The following PARD3 variants were observed in gnomAD, a reference collection of about 807,000 sequenced individuals.
PARD3 encodes the protein partitioning defective 3 homolog.
A neutral mutation model predicts 155.4 loss-of-function variants in PARD3; 75 were observed. That is an observed-to-expected ratio of 0.48 (90% CI 0.40 to 0.58). The LOEUF is 0.58. Ranked by LOEUF, PARD3 falls within the 20% of genes least tolerant of loss-of-function variation. The probability of loss-of-function intolerance (pLI) is 0.00; values close to 1 mark genes in which losing one functional copy is unlikely to be tolerated. For synonymous variants in PARD3, 576 were observed against 610.5 expected (o/e 0.94, Z 0.83); for missense variants, 1,642 against 1,721.7 (o/e 0.95, Z 0.82).
chr10:34,376,796 A>T (rs1841298329), intron 10 of PARD3, among the ~76,000 whole-genome samples: 1 of 152,186 alleles, frequency 6.6e-6, no homozygotes, highest in Non-Finnish European at 1.5e-5. Flanking sequence ...TGAAACTATA[A>T]GAAAAAAGGA....
chr10:34,562,559 C>A (rs1353522078), intron 2 of PARD3, among the ~76,000 whole-genome samples: 1 of 152,184 alleles, frequency 6.6e-6, no homozygotes, highest in East Asian at 1.9e-4. Flanking sequence ...GCTTTTCCAT[C>A]TTCCAAGCTT....
At chr10:34,165,577 T>C (rs534509100) in intron 22 of PARD3, among the ~76,000 whole-genome samples, 4 of 152,324 alleles carry the variant, frequency 2.6e-5, no homozygotes, top group African/African-American at 9.6e-5. Flanking sequence ...CACCCCTCTC[T>C]GCCTTCTCAA....
intron 1 of PARD3, among the ~76,000 whole-genome samples, chr10:34,763,921 C>A (rs1837770413): frequency 6.6e-6 from 1 of 152,202 alleles, no homozygotes. Flanking sequence ...TCCTCCCAGC[C>A]ATATACTAAT....
At chr10:34,344,721 C>T in intron 15 of PARD3, 19 of 985,350 alleles carry the variant, frequency 1.9e-5, no homozygotes, top group Non-Finnish European at 2.3e-5. Flanking sequence ...ATTACAAAAT[C>T]CATGATTGTG....
intron 12 of PARD3, among the ~76,000 whole-genome samples, chr10:34,367,846 T>A (rs1164853676): frequency 6.6e-6 from 1 of 152,264 alleles, no homozygotes; most frequent in African/African-American, 2.4e-5. Flanking sequence ...GAAGTTAGCC[T>A]ATCAAGATGG....
intron 22 of PARD3, among the ~76,000 whole-genome samples, chr10:34,266,137 T>C (rs1433476374): frequency 6.6e-6 from 1 of 152,146 alleles, no homozygotes; most frequent in Non-Finnish European, 1.5e-5. Flanking sequence ...ACAGAAGGAG[T>C]TTAGTCCTAT....
At chr10:34,810,926 A>G (rs1204400101) in intron 1 of PARD3, among the ~76,000 whole-genome samples, 4 of 152,102 alleles carry the variant, frequency 2.6e-5, no homozygotes, top group African/African-American at 9.7e-5. Context: ...ACCAAACCCA[A>G]TACAAAGCTC....
chr10:34,445,326 G>C (rs2132707674), intron 5 of PARD3, among the ~76,000 whole-genome samples: 1 of 152,254 alleles, frequency 6.6e-6, no homozygotes, highest in Non-Finnish European at 1.5e-5. Flanking sequence ...AAATTTGAGA[G>C]GGAGTTTTGT....
intron 2 of PARD3, among the ~76,000 whole-genome samples, chr10:34,688,043 C>A (rs536226469): frequency 1.3e-5 from 2 of 151,746 alleles, no homozygotes; most frequent in South Asian, 4.2e-4. Flanking sequence ...TTTGTAGAAA[C>A]AGTCTCGTTA....
At chr10:34,146,246 A>C (rs1948499121) in intron 22 of PARD3, among the ~76,000 whole-genome samples, 1 of 151,984 alleles carries the variant, frequency 6.6e-6, no homozygotes, top group Non-Finnish European at 1.5e-5. Context: ...AAATAGCTTA[A>C]ATGTCTTTTC....
chr10:34,354,746 G>C (rs1454015339), intron 14 of PARD3, among the ~76,000 whole-genome samples: 1 of 152,198 alleles, frequency 6.6e-6, no homozygotes, highest in Non-Finnish European at 1.5e-5. Context: ...GGCTAGAGCA[G>C]AGGTGCTGCA....
intron 1 of PARD3, among the ~76,000 whole-genome samples, chr10:34,760,426 G>T (rs1418635685): frequency 3.3e-5 from 5 of 152,092 alleles, no homozygotes; most frequent in Non-Finnish European, 7.4e-5. Flanking sequence ...CCACCTCCTG[G>T]GTTCAAGTGA....
intron 1 of PARD3, among the ~76,000 whole-genome samples, chr10:34,705,560 A>G (rs2094351122): frequency 6.6e-6 from 1 of 152,224 alleles, no homozygotes; most frequent in African/African-American, 2.4e-5. Flanking sequence ...TGTTACAGGA[A>G]CACTGCTAAA....
intron 1 of PARD3, among the ~76,000 whole-genome samples, chr10:34,726,881 C>T (rs1030700426): frequency 3.9e-5 from 6 of 152,152 alleles, no homozygotes; most frequent in African/African-American, 1.4e-4. Context: ...CTGAACTTCT[C>T]CTCTGACCAC....
chr10:34,169,925 G>A (rs1002063116), intron 22 of PARD3, among the ~76,000 whole-genome samples: 9 of 152,206 alleles, frequency 5.9e-5, no homozygotes, highest in African/African-American at 2.2e-4. Flanking sequence ...GCCCAGCAAA[G>A]AGGAGCCCAG....
At chr10:34,520,963 T>G (rs2082107486) in intron 2 of PARD3, among the ~76,000 whole-genome samples, 1 of 152,184 alleles carries the variant, frequency 6.6e-6, no homozygotes, top group African/African-American at 2.4e-5. Context: ...TAATATGCAT[T>G]TTGAAGATAT....
chr10:34,518,050 T>C (rs1457932706), intron 2 of PARD3, among the ~76,000 whole-genome samples: 1 of 152,096 alleles, frequency 6.6e-6, no homozygotes, highest in African/African-American at 2.4e-5. Context: ...AGATAATTTT[T>C]GTATTTTTGG....
At chr10:34,217,388 G>C (rs2133444344) in intron 22 of PARD3, among the ~76,000 whole-genome samples, 1 of 152,264 alleles carries the variant, frequency 6.6e-6, no homozygotes, top group Admixed American at 6.5e-5. Flanking sequence ...TTCTACCCTT[G>C]TAAAAACACT....
chr10:34,485,766 C>G (rs1014163878), intron 3 of PARD3, among the ~76,000 whole-genome samples: 1 of 151,914 alleles, frequency 6.6e-6, no homozygotes, highest in Non-Finnish European at 1.5e-5. Flanking sequence ...AGACTCCTTG[C>G]GAGAGAGATT....
Sources: gnomAD v4.1 joint callset for allele counts (sites outside exome capture counted in the v4.1 genomes callset) on GRCh38, gnomAD v4.1.1 for gene constraint, MANE v1.5 for transcripts, NCBI Gene and HGNC (gene_info 2026-07-23, HGNC 2026-07-21) for gene names.